GBE1: variants seen among roughly 807,000 people sequenced by gnomAD.
GBE1 encodes 1,4-alpha-glucan branching enzyme 1.
Under a neutral mutation model 88.8 loss-of-function variants are expected in GBE1, and 70 were observed. The observed-to-expected ratio is 0.79, with a 90% CI of 0.65 to 0.96. GBE1 has a LOEUF of 0.96. Ranked by LOEUF, GBE1 falls within the 40% of genes least tolerant of loss-of-function variation. The pLI, the probability that GBE1 is intolerant of heterozygous loss-of-function variation, is 0.00. For missense variants in GBE1, 872 were observed against 871.0 expected, an observed-to-expected ratio of 1.00 and a Z score of -0.01; for synonymous variants, 284 against 300.1, an observed-to-expected ratio of 0.95 and a Z score of 0.56.
Position 81,646,501 on chromosome 3 carries a change from A to C in GBE1, c.692-19T>G. Reference sequence around the variant, plus strand: ...TTGTATCCTATATAAGGCAATGGTCAAATCTAAATTAAAAGCCACATTTAA... The same window carrying C: ...TTGTATCCTATATAAGGCAATGGTCCAATCTAAATTAAAAGCCACATTTAA... On this transcript the variant is annotated intron_variant, in intron 5 of 15. Transcript: ENST00000429644. 2 of 1,354,900 alleles carry C rather than the reference A, an allele frequency of 1.5e-6. No individual in the cohort carries two copies. Among genetic ancestry groups the C allele is most frequent in the Non-Finnish European group, 2.0e-6 (2 of 980,474 alleles). 83.9% of individuals were successfully genotyped at this position (1,354,900 alleles called of 1,614,324 possible).
intron 12 of GBE1, among the ~76,000 whole-genome samples, chr3:81,566,136 T>A (rs573205250): frequency 6.6e-6 from 1 of 152,194 alleles, no homozygotes; most frequent in African/African-American, 2.4e-5. Context: ...TCCTCCAAAA[T>A]CCTCTTGCTA....
At chr3:81,504,377 T>C (rs1702628075) in intron 14 of GBE1, among the ~76,000 whole-genome samples, 1 of 152,116 alleles carries the variant, frequency 6.6e-6, no homozygotes, top group Admixed American at 6.6e-5. Flanking sequence ...TTTACTATAC[T>C]TGTTCTAGTC....
chr3:81,639,376 ACT>A (rs1355134220), intron 7 of GBE1, among the ~76,000 whole-genome samples: 1 of 152,074 alleles, frequency 6.6e-6, no homozygotes, highest in African/African-American at 2.4e-5. Context: ...TTCAGACATA[ACT>A]CTCTGATAAT....
intron 14 of GBE1, among the ~76,000 whole-genome samples, chr3:81,508,992 T>C (rs943092679): frequency 6.6e-6 from 1 of 152,128 alleles, no homozygotes; most frequent in African/African-American, 2.4e-5. Context: ...ACACCCTATG[T>C]AGCACTGGGA....
At chr3:81,616,044 G>A (rs1387003538) in intron 7 of GBE1, among the ~76,000 whole-genome samples, 1 of 151,936 alleles carries the variant, frequency 6.6e-6, no homozygotes, top group Non-Finnish European at 1.5e-5. Context: ...CTGCTTATTG[G>A]CCATCTATAT....
chr3:81,659,891 T>C (rs1045129822), intron 3 of GBE1, among the ~76,000 whole-genome samples: 1 of 152,232 alleles, frequency 6.6e-6, no homozygotes, highest in Non-Finnish European at 1.5e-5. Context: ...AATGATGAGA[T>C]GAATTCCTCT....
At chr3:81,738,345 T>C (rs1706299759) in intron 1 of GBE1, among the ~76,000 whole-genome samples, 1 of 151,116 alleles carries the variant, frequency 6.6e-6, no homozygotes, top group South Asian at 2.1e-4. Flanking sequence ...TCCACAATGG[T>C]TGAACTAGTT....
intron 1 of GBE1, among the ~76,000 whole-genome samples, chr3:81,738,308 G>A (rs1212024922): frequency 4.6e-5 from 7 of 150,584 alleles, no homozygotes; most frequent in African/African-American, 1.7e-4. Flanking sequence ...TCTAGTTCTA[G>A]ATCCCTGAGG....
At chr3:81,693,923 C>A (rs761098378) in intron 2 of GBE1, among the ~76,000 whole-genome samples, 1 of 152,008 alleles carries the variant, frequency 6.6e-6, no homozygotes, top group Non-Finnish European at 1.5e-5. Context: ...TTTGATATTA[C>A]TTGTCTAGAG....
intron 12 of GBE1, among the ~76,000 whole-genome samples, chr3:81,572,657 T>TA (rs1235484246): frequency 3.3e-5 from 5 of 152,240 alleles, no homozygotes; most frequent in Admixed American, 3.3e-4. Flanking sequence ...CTTGATATTT[T>TA]AAAACATCTG....
chr3:81,745,302 A>C (rs1706405857), intron 1 of GBE1, among the ~76,000 whole-genome samples: 1 of 152,216 alleles, frequency 6.6e-6, no homozygotes, highest in Non-Finnish European at 1.5e-5. Context: ...CCTCATCAGT[A>C]TATACATGTA....
intron 1 of GBE1, among the ~76,000 whole-genome samples, chr3:81,722,894 G>GTATA (rs757742488): frequency 0.099 from 13,310 of 134,510 alleles, 736 homozygotes; most frequent in East Asian, 0.25. Flanking sequence ...GTGTGTGTGT[G>GTATA]TGTATATATA....
chr3:81,592,475 T>C (rs1703893306), intron 8 of GBE1, among the ~76,000 whole-genome samples: 1 of 152,158 alleles, frequency 6.6e-6, no homozygotes, highest in Admixed American at 6.6e-5. Context: ...CCTTTATTAC[T>C]GAGTTTATAA....
chr3:81,709,826 G>T (rs1403965032), intron 1 of GBE1, among the ~76,000 whole-genome samples: 1 of 152,064 alleles, frequency 6.6e-6, no homozygotes, highest in Non-Finnish European at 1.5e-5. Flanking sequence ...AAATGCCTGA[G>T]GATACAGCAA....
At chr3:81,588,319 G>A (rs1403226270) in intron 9 of GBE1, among the ~76,000 whole-genome samples, 1 of 152,028 alleles carries the variant, frequency 6.6e-6, no homozygotes, top group Non-Finnish European at 1.5e-5. Flanking sequence ...GGATAAATAT[G>A]CATTAAATAT....
chr3:81,703,703 T>C (rs1705733698), intron 2 of GBE1, among the ~76,000 whole-genome samples: 2 of 152,062 alleles, frequency 1.3e-5, no homozygotes, highest in African/African-American at 2.4e-5. Flanking sequence ...GTTGCACATC[T>C]ACTGATTCAA....
Position 81,649,824 on chromosome 3 carries a change from A to T in GBE1, c.527T>A (p.Ile176Lys), listed in dbSNP as rs571116428. ...REGDNVNYDWIHWDPEHSYEF... is the reference protein window; with the variant it reads ...REGDNVNYDWKHWDPEHSYEF... ...ATATGAGTGTTCTGGATCCCAGTGTATCCAATCATAATTCACATTATCACC... is the reference window on the plus strand; with the variant it reads ...ATATGAGTGTTCTGGATCCCAGTGTTTCCAATCATAATTCACATTATCACC... Residue 176 changes from isoleucine to lysine, a missense_variant, in exon 4 of 16, where the codon ATA (isoleucine) becomes AAA (lysine). By Grantham distance (102) the Ile-to-Lys change is moderately radical. Coordinates refer to ENST00000429644, the MANE Select transcript of GBE1 (RefSeq NM_000158.4). 1.5e-4 allele frequency: 239 copies of T among 1,611,226 alleles called. No individual in the cohort carries two copies. Among genetic ancestry groups the T allele is most frequent in the Non-Finnish European group, 1.8e-4 (214 of 1,178,078 alleles).
At chr3:81,579,248 TTA>T (rs1252761566) in intron 11 of GBE1, among the ~76,000 whole-genome samples, 3 of 152,154 alleles carry the variant, frequency 2.0e-5, no homozygotes, top group East Asian at 1.9e-4. Context: ...TTACTATAAA[TTA>T]TATGTTTATT....
intron 12 of GBE1, among the ~76,000 whole-genome samples, chr3:81,559,646 T>C (rs1353350005): frequency 1.3e-5 from 2 of 151,908 alleles, no homozygotes; most frequent in African/African-American, 4.8e-5. Context: ...AATGCACAGA[T>C]GATATACACT....
Sources: gnomAD v4.1 joint callset for allele counts (sites outside exome capture counted in the v4.1 genomes callset) on GRCh38, gnomAD v4.1.1 for gene constraint, MANE v1.5 for transcripts, NCBI Gene and HGNC (gene_info 2026-07-23, HGNC 2026-07-21) for gene names.